Variants in NAV2 observed in about 807,000 individuals in gnomAD.
NAV2 encodes the protein neuron navigator 2.
Under a neutral mutation model 223.2 loss-of-function variants are expected in NAV2, and 54 were observed. The ratio of observed to expected loss-of-function variants is 0.24; its 90% CI spans 0.19 to 0.30. The LOEUF is 0.30. NAV2 is among the 10% of genes least tolerant of loss of function. The pLI is 1.00. For synonymous variants in NAV2, 1,279 were observed against 1,239.3 expected (o/e 1.03, Z -0.67); for missense variants, 2,806 against 3,147.5 (o/e 0.89, Z 2.60).
intron 1 of NAV2, among the ~76,000 whole-genome samples, chr11:19,642,461 C>T (rs1373323757): frequency 3.3e-5 from 5 of 152,128 alleles, no homozygotes; most frequent in Non-Finnish European, 1.5e-5. Context: ...CTTAGATGAC[C>T]TCAGGAGTTC....
At chr11:19,529,653 G>C (rs955179815) in intron 1 of NAV2, among the ~76,000 whole-genome samples, 6 of 152,214 alleles carry the variant, frequency 3.9e-5, no homozygotes, top group African/African-American at 1.4e-4. Flanking sequence ...GGGACCACTG[G>C]AGCACCAGCA....
chr11:19,972,831 G>C (rs1216678150), intron 10 of NAV2, among the ~76,000 whole-genome samples: 2 of 152,154 alleles, frequency 1.3e-5, no homozygotes, highest in African/African-American at 4.8e-5. Flanking sequence ...CCAACACCCA[G>C]GCTAGTGCCT....
At chr11:19,925,454 T>C (rs2044658645) in intron 6 of NAV2, among the ~76,000 whole-genome samples, 1 of 152,192 alleles carries the variant, frequency 6.6e-6, no homozygotes, top group Admixed American at 6.5e-5. Context: ...GCATATGATA[T>C]AAGGTAAGAA....
At chr11:19,587,469 C>T (rs1008145828) in intron 1 of NAV2, among the ~76,000 whole-genome samples, 3 of 152,208 alleles carry the variant, frequency 2.0e-5, no homozygotes, top group African/African-American at 4.8e-5. Flanking sequence ...CTGCGTCGCT[C>T]ATGCTAGGAA....
chr11:20,021,543 G>A (rs1299781248), intron 11 of NAV2, among the ~76,000 whole-genome samples: 5 of 152,126 alleles, frequency 3.3e-5, no homozygotes, highest in Non-Finnish European at 5.9e-5. Context: ...AAGTAATATC[G>A]TAAAGATACA....
chr11:19,413,418 G>A (rs769402866), intron 1 of NAV2, among the ~76,000 whole-genome samples: 11 of 152,148 alleles, frequency 7.2e-5, no homozygotes, highest in Non-Finnish European at 1.5e-4. Context: ...AGAAATATGG[G>A]ACTATGTGAA....
chr11:19,444,412 A>T (rs1851510404), intron 1 of NAV2, among the ~76,000 whole-genome samples: 1 of 152,204 alleles, frequency 6.6e-6, no homozygotes, highest in South Asian at 2.1e-4. Flanking sequence ...CATGTGGCTA[A>T]GTTCTGGCAA....
chr11:19,832,567 T>C lies in NAV2; in HGVS notation c.351T>C (p.Asp117=), dbSNP rs141838237. 2 of 1,614,222 alleles carry C rather than the reference T, an allele frequency of 1.2e-6. No individual in the cohort carries two copies. Among genetic ancestry groups the C allele is most frequent in the African/African-American group, 1.3e-5 (1 of 75,064 alleles). ...LIRDLQQDVT[D]GVLLAQIIQV... ...GGGATCTCCAGCAAGATGTGACAGA[T>C]GGCGTCCTCCTGGCCCAGATTATCC... is the stretch of plus-strand genomic sequence containing the variant. Residue 117 remains aspartate (D), a synonymous_variant, in exon 2 of 38, where the codon GAT becomes GAC. Coordinates refer to ENST00000349880, the MANE Select transcript of NAV2 (RefSeq NM_145117.5).
chr11:20,012,093 T>C (rs2053606414), intron 11 of NAV2, among the ~76,000 whole-genome samples: 1 of 152,230 alleles, frequency 6.6e-6, no homozygotes. Flanking sequence ...CTATCCGTAC[T>C]CCATTGTTCC....
At chr11:19,844,827 T>TG (rs59052474) in intron 3 of NAV2, among the ~76,000 whole-genome samples, 8,629 of 152,026 alleles carry the variant, frequency 0.057, 445 homozygotes, top group African/African-American at 0.14. Context: ...TGTGTGTTTT[T>TG]TTTTTTTTTT....
chr11:19,547,144 C>T (rs2044526934), intron 1 of NAV2, among the ~76,000 whole-genome samples: 1 of 152,184 alleles, frequency 6.6e-6, no homozygotes, highest in Non-Finnish European at 1.5e-5. Flanking sequence ...ACACTGCTGC[C>T]CCAGACATTG....
upstream of NAV2, among the ~76,000 whole-genome samples, chr11:19,709,473 C>T (rs866695086): frequency 2.2e-5 from 3 of 134,760 alleles, no homozygotes; most frequent in East Asian, 2.4e-4. Context: ...ACCCAGGAGG[C>T]GGAGCTTCCT....
At chr11:20,117,165 T>C (rs2153730639) in intron 37 of NAV2, among the ~76,000 whole-genome samples, 1 of 152,254 alleles carries the variant, frequency 6.6e-6, no homozygotes, top group African/African-American at 2.4e-5. Flanking sequence ...ACTTCCTATA[T>C]GAAATATAAA....
chr11:19,585,238 C>T (rs1345518742), intron 1 of NAV2, among the ~76,000 whole-genome samples: 1 of 152,088 alleles, frequency 6.6e-6, no homozygotes, highest in African/African-American at 2.4e-5. Flanking sequence ...CTTGGTAGAT[C>T]TTCCTCCATC....
chr11:19,850,058 A>G (rs2061026475), intron 3 of NAV2, among the ~76,000 whole-genome samples: 1 of 152,198 alleles, frequency 6.6e-6, no homozygotes, highest in Non-Finnish European at 1.5e-5. Context: ...CAGCGAGACC[A>G]GATACCTTGT....
At chr11:19,739,914 A>G (rs1022166838) in intron 1 of NAV2, among the ~76,000 whole-genome samples, 4 of 152,166 alleles carry the variant, frequency 2.6e-5, no homozygotes, top group South Asian at 4.1e-4. Flanking sequence ...CCCAGCTTTC[A>G]TGAATTTAAA....
At chr11:19,978,594 A>G (rs1283054688) in intron 10 of NAV2, 1 of 151,956 alleles carries the variant, frequency 6.6e-6, no homozygotes, top group Non-Finnish European at 1.5e-5. Context: ...GAAGAAAAGT[A>G]ATTATGTAGG....
Position 20,020,725 on chromosome 11 carries a change from TA to T in NAV2, c.2769-15229del, listed in dbSNP as rs557467549. Among the ~76,000 whole-genome samples the T allele has an allele frequency of 7.2e-5, 11 of 152,328 alleles. No individual in the cohort carries two copies. In the South Asian group the frequency reaches 2.3e-3, roughly 32 times the overall value. On this transcript the variant is annotated intron_variant, in intron 11 of 37. Coordinates refer to ENST00000349880, the MANE Select transcript of NAV2 (RefSeq NM_145117.5). ...TGTTGTACATTTACATGAACTTTTA[TA>T]AAAAGAAGAAACTCCATCTATTAAA...
At chr11:19,801,047 GT>G (rs2058220648) in intron 1 of NAV2, among the ~76,000 whole-genome samples, 1 of 152,126 alleles carries the variant, frequency 6.6e-6, no homozygotes, top group Non-Finnish European at 1.5e-5. Flanking sequence ...TTTTAGGGAG[GT>G]TTTGTATTTT....
Sources: allele counts gnomAD v4.1 joint callset (sites outside exome capture counted in the v4.1 genomes callset), GRCh38; gene constraint gnomAD v4.1.1; transcripts MANE v1.5; gene names NCBI Gene and HGNC (gene_info 2026-07-23, HGNC 2026-07-21).